Variants in NCOA6 observed in about 807,000 individuals in gnomAD.
NCOA6 encodes the protein NRC RAP250.
In NCOA6, 49 loss-of-function variants were observed where a neutral mutation model predicts 171.4. That is an observed-to-expected ratio of 0.29 (90% confidence interval 0.23 to 0.36). The LOEUF (loss-of-function observed/expected upper bound fraction) is 0.36, where lower values mean the gene tolerates loss of function less well. Among genes scored for constraint, NCOA6 ranks in the 10% least tolerant of loss-of-function variants. The pLI, the probability that NCOA6 is intolerant of heterozygous loss-of-function variation, is 1.00. For missense variants in NCOA6, 2,248 were observed against 2,554.5 expected (o/e 0.88, Z 2.59); for synonymous variants, 910 against 927.5 (o/e 0.98, Z 0.34).
intron 1 of NCOA6, among the ~76,000 whole-genome samples, chr20:34,823,694 ATC>A (rs947361989): frequency 6.7e-5 from 10 of 149,448 alleles, no homozygotes; most frequent in Non-Finnish European, 1.2e-4. Flanking sequence ...GAGAAGGAGC[ATC>A]TCTCTTTTTT....
At chr20:34,765,946 A>G (rs2076970165) in intron 5 of NCOA6, among the ~76,000 whole-genome samples, 1 of 152,250 alleles carries the variant, frequency 6.6e-6, no homozygotes, top group African/African-American at 2.4e-5. Context: ...AGAAGAAAGC[A>G]GTACTAAGAA....
At chr20:34,752,255 G>A (rs555595870) in intron 8 of NCOA6, among the ~76,000 whole-genome samples, 1 of 152,290 alleles carries the variant, frequency 6.6e-6, no homozygotes, top group Admixed American at 6.5e-5. Context: ...AAACTACCTT[G>A]TTCACACTAT....
chr20:34,777,914 T>A (rs1214046934), intron 3 of NCOA6, among the ~76,000 whole-genome samples: 1 of 152,068 alleles, frequency 6.6e-6, no homozygotes, highest in African/African-American at 2.4e-5. Flanking sequence ...GGAATATTAT[T>A]ATATTATTAT....
intron 3 of NCOA6, chr20:34,776,848 T>C (rs1477837299): frequency 9.0e-6 from 4 of 444,766 alleles, no homozygotes; most frequent in Non-Finnish European, 1.8e-5. Context: ...ATTAATAGAA[T>C]AGGCTCATGC....
chr20:34,759,101 T>G (rs2076740428), intron 5 of NCOA6, among the ~76,000 whole-genome samples, 168 bp from the exon 6 acceptor site: 1 of 151,732 alleles, frequency 6.6e-6, no homozygotes, highest in African/African-American at 2.4e-5. Flanking sequence ...CTCACTGCCA[T>G]CTCGACTTCC....
chr20:34,768,404 A>T (rs1408255903), intron 5 of NCOA6, 60 bp downstream of exon 5: 2 of 1,600,956 alleles, frequency 1.2e-6, no homozygotes, highest in Non-Finnish European at 1.7e-6. Flanking sequence ...GGCTCAAATG[A>T]TCAAATAAGC....
intron 1 of NCOA6, among the ~76,000 whole-genome samples, chr20:34,811,996 T>C (rs2078679250): frequency 6.6e-6 from 1 of 152,078 alleles, no homozygotes; most frequent in Non-Finnish European, 1.5e-5. Context: ...ATGCCTGTAA[T>C]CCCAGCACTT....
At chr20:34,786,244 C>A (rs760634150) in intron 2 of NCOA6, among the ~76,000 whole-genome samples, 1 of 152,062 alleles carries the variant, frequency 6.6e-6, no homozygotes, top group Non-Finnish European at 1.5e-5. Flanking sequence ...CTTTATTAGA[C>A]CTGCTAGCGA....
intron 1 of NCOA6, among the ~76,000 whole-genome samples, chr20:34,802,706 C>G (rs909103606): frequency 2.6e-5 from 4 of 152,218 alleles, no homozygotes; most frequent in Middle Eastern, 6.8e-3. Flanking sequence ...TTCGAAACAA[C>G]TAAGCAAAAT....
intron 1 of NCOA6, among the ~76,000 whole-genome samples, chr20:34,804,763 A>G (rs1017130316): frequency 6.6e-6 from 1 of 152,166 alleles, no homozygotes; most frequent in African/African-American, 2.4e-5. Context: ...ATTTTGATAC[A>G]TGTATACAAT....
In NCOA6 at chr20:34,741,222, A is replaced by C; in HGVS notation, c.5034T>G (p.Ile1678Met). The stretch of plus-strand genomic sequence containing the variant: ...AGTTGGTTGTCAGTGGGGCTGCAGG[A>C]ATTGTGCTTGGCTGTGATCCTTTCA... ...QVMKGSQPSTIPAAPLTTNSG... is the reference protein window; with the variant it reads ...QVMKGSQPSTMPAAPLTTNSG... The change falls in exon 11 of 15, where the codon ATT becomes ATG. Residue 1678 changes from isoleucine (I) to methionine (M), a missense_variant. Ile to Met is a conservative substitution (Grantham distance 10). Transcript: ENST00000359003. 6.2e-7 allele frequency: 1 copy of C among 1,614,208 alleles called. No homozygotes were observed. The highest frequency in any genetic ancestry group is 8.5e-7 in the Non-Finnish European group (1 of 1,180,040).
intron 10 of NCOA6, 99 bp downstream of exon 10, chr20:34,746,708 C>G: frequency 7.6e-7 from 1 of 1,312,656 alleles, no homozygotes; most frequent in Non-Finnish European, 1.0e-6. Flanking sequence ...GACTAGTTAG[C>G]AGATAAAATA....
At chr20:34,751,327 G>A (rs368917233) in intron 8 of NCOA6, among the ~76,000 whole-genome samples, 5 of 130,764 alleles carry the variant, frequency 3.8e-5, no homozygotes, top group Admixed American at 9.0e-5. Context: ...CCGAGATTGC[G>A]CCACTGCAGT....
chr20:34,731,242 A>G (rs1026843626), intron 13 of NCOA6, among the ~76,000 whole-genome samples: 2 of 151,556 alleles, frequency 1.3e-5, no homozygotes, highest in African/African-American at 4.9e-5. Flanking sequence ...GTGGTATCGA[A>G]CTCCTGACCT....
intron 14 of NCOA6, among the ~76,000 whole-genome samples, chr20:34,721,356 C>A (rs1989318917): frequency 6.6e-6 from 1 of 151,672 alleles, no homozygotes; most frequent in Non-Finnish European, 1.5e-5. Context: ...GGTGGTGCAC[C>A]AACTCCACAG....
chr20:34,747,492 T>C lies in NCOA6; in HGVS notation c.2793-564A>G, dbSNP rs149571083. ...TCTATTTGCTTTGAGATGCCTTTGC[T>C]TTTACCTGGGTGTAGCTTAAAATTT... On this transcript the variant is annotated intron_variant, in intron 9 of 14. Coordinates refer to ENST00000359003, the MANE Select transcript of NCOA6 (RefSeq NM_014071.5). 4.5e-4 allele frequency among the ~76,000 whole-genome samples: 69 copies of C among 152,310 alleles called. 1 individual carries two copies. The highest frequency in any genetic ancestry group is 1.5e-3 in the African/African-American group (63 of 41,564).
intron 3 of NCOA6, among the ~76,000 whole-genome samples, chr20:34,779,921 A>C (rs2077465297): frequency 6.6e-6 from 1 of 152,238 alleles, no homozygotes; most frequent in African/African-American, 2.4e-5. Flanking sequence ...ATTTAGTCCA[A>C]GACCATTTTA....
intron 12 of NCOA6, 112 bp downstream of exon 12, chr20:34,736,578 A>AAAAT: frequency 1.1e-6 from 1 of 876,752 alleles, no homozygotes. Flanking sequence ...GCAAACAGAT[A>AAAAT]AAATAGTTCC....
chr20:34,765,082 C>T (rs1461842532), intron 5 of NCOA6, among the ~76,000 whole-genome samples: 1 of 149,622 alleles, frequency 6.7e-6, no homozygotes, highest in Non-Finnish European at 1.5e-5. Flanking sequence ...GATCATGCCA[C>T]AGTACTCCAG....
Sources: gnomAD v4.1 joint callset for allele counts (sites outside exome capture counted in the v4.1 genomes callset) on GRCh38, gnomAD v4.1.1 for gene constraint, MANE v1.5 for transcripts, NCBI Gene and HGNC (gene_info 2026-07-23, HGNC 2026-07-21) for gene names.